NELL1: variants seen among roughly 807,000 people sequenced by gnomAD.
The protein encoded by NELL1 is neural EGFL like 1.
Under a neutral mutation model 107.4 loss-of-function variants are expected in NELL1, and 76 were observed. That is an observed-to-expected ratio of 0.71 (90% CI 0.59 to 0.86). The LOEUF is 0.86. Ranked by LOEUF, NELL1 falls within the 40% of genes least tolerant of loss-of-function variation. The pLI is 0.00. For missense variants in NELL1, 1,024 were observed against 1,005.5 expected (o/e 1.02, Z -0.25); for synonymous variants, 353 against 341.2 (o/e 1.03, Z -0.38).
At chr11:21,212,829 C>T (rs1263556086) in intron 13 of NELL1, among the ~76,000 whole-genome samples, 1 of 152,092 alleles carries the variant, frequency 6.6e-6, no homozygotes, top group Non-Finnish European at 1.5e-5. Flanking sequence ...ACTTACCACT[C>T]TTGGGCAACA....
intron 2 of NELL1, 97 bp from the exon 3 acceptor site, chr11:20,783,583 C>T: frequency 1.3e-6 from 1 of 788,584 alleles, no homozygotes; most frequent in South Asian, 2.4e-5. Flanking sequence ...TCTTCCTTCT[C>T]ATCTCCCCTC....
chr11:21,148,389 ATT>A, intron 13 of NELL1, among the ~76,000 whole-genome samples: 1 of 152,154 alleles, frequency 6.6e-6, no homozygotes, highest in Non-Finnish European at 1.5e-5. Context: ...AGAGACTGGT[ATT>A]TCAGTCAGAA....
chr11:21,175,879 G>A lies in NELL1; in HGVS notation c.1427-53453G>A, dbSNP rs570593821. Among the ~76,000 whole-genome samples, 37 of 151,968 alleles carry A rather than the reference G, an allele frequency of 2.4e-4. 1 individual carries two copies. Among genetic ancestry groups the A allele is most frequent in the African/African-American group, 9.0e-4 (37 of 41,262 alleles). On this transcript the variant is annotated intron_variant, in intron 13 of 19. Coordinates refer to ENST00000357134, the MANE Select transcript of NELL1 (RefSeq NM_006157.5). ...GTGCCGTCCAATTTTGCCTTACAAT[G>A]TGGGCATTTAGGATCTTTAGTTGAC...
At chr11:21,208,077 T>A (rs928129939) in intron 13 of NELL1, among the ~76,000 whole-genome samples, 8 of 152,140 alleles carry the variant, frequency 5.3e-5, no homozygotes, top group Non-Finnish European at 1.2e-4. Flanking sequence ...TTAGCAGGAA[T>A]CTCAAATACA....
chr11:20,913,201 A>G (rs1850170567), intron 5 of NELL1, among the ~76,000 whole-genome samples: 1 of 152,128 alleles, frequency 6.6e-6, no homozygotes, highest in Non-Finnish European at 1.5e-5. Flanking sequence ...ACACATCTTC[A>G]TCCATATATT....
At chr11:21,093,240 G>A (rs1854561792) in intron 12 of NELL1, among the ~76,000 whole-genome samples, 1 of 152,136 alleles carries the variant, frequency 6.6e-6, no homozygotes, top group Admixed American at 6.5e-5. Context: ...CTGAAGCCAG[G>A]GCCCCAGACT....
chr11:21,003,901 T>G (rs1412691835), intron 12 of NELL1, among the ~76,000 whole-genome samples: 1 of 152,172 alleles, frequency 6.6e-6, no homozygotes, highest in Non-Finnish European at 1.5e-5. Context: ...TGAGAAGTAC[T>G]AAATATAATA....
At position 21,190,849 on chromosome 11, in the gene NELL1, AT is replaced by A. The variant is rs1448512502; in HGVS notation, c.1427-38481del. ...ATAGCCCAATCATTAACTCTTATCT[AT>A]TATGTTGCCTCAGTTTATTCAGCCT... On this transcript the variant is annotated intron_variant, in intron 13 of 19. Coordinates refer to ENST00000357134, the MANE Select transcript of NELL1 (RefSeq NM_006157.5). 2.6e-5 allele frequency among the ~76,000 whole-genome samples: 4 copies of A among 151,850 alleles called. 1 individual carries two copies. The highest frequency in any genetic ancestry group is 9.7e-5 in the African/African-American group (4 of 41,146).
intron 5 of NELL1, among the ~76,000 whole-genome samples, chr11:20,898,534 A>G (rs963957477): frequency 6.6e-6 from 1 of 152,006 alleles, no homozygotes; most frequent in Non-Finnish European, 1.5e-5. Flanking sequence ...ACAAACCTGC[A>G]CATTGTGCAC....
intron 2 of NELL1, among the ~76,000 whole-genome samples, chr11:20,724,595 T>C (rs1030630826): frequency 1.3e-5 from 2 of 152,190 alleles, no homozygotes; most frequent in African/African-American, 4.8e-5. Context: ...TTCATCTCCA[T>C]CCGAGACCAC....
At chr11:21,474,206 C>G (rs1421879365) in intron 15 of NELL1, among the ~76,000 whole-genome samples, 1 of 151,992 alleles carries the variant, frequency 6.6e-6, no homozygotes, top group Non-Finnish European at 1.5e-5. Flanking sequence ...TAAAATAACA[C>G]CTTTATTCCT....
At chr11:21,390,826 T>C (rs1171164580) in intron 15 of NELL1, among the ~76,000 whole-genome samples, 1 of 151,900 alleles carries the variant, frequency 6.6e-6, no homozygotes. Flanking sequence ...TATTTTATAA[T>C]GTTAATTCCA....
At chr11:21,156,912 G>A (rs957416918) in intron 13 of NELL1, among the ~76,000 whole-genome samples, 26 of 147,928 alleles carry the variant, frequency 1.8e-4, no homozygotes, top group African/African-American at 5.2e-4. Context: ...GGACAACATG[G>A]TGGAACCCCG....
chr11:21,266,569 C>A (rs900786000), intron 14 of NELL1, among the ~76,000 whole-genome samples: 3 of 152,094 alleles, frequency 2.0e-5, no homozygotes, highest in African/African-American at 7.2e-5. Context: ...TGTTGCACTT[C>A]TCTTGGCTTC....
intron 14 of NELL1, among the ~76,000 whole-genome samples, chr11:21,229,690 A>G (rs1376435875): frequency 6.6e-6 from 1 of 152,228 alleles, no homozygotes; most frequent in African/African-American, 2.4e-5. Context: ...ACATAACTTG[A>G]TGGCTCTGTT....
At chr11:21,383,886 G>A (rs1324381456) in intron 15 of NELL1, 1 of 151,754 alleles carries the variant, frequency 6.6e-6, no homozygotes, top group African/African-American at 2.4e-5. Flanking sequence ...GATCGGGCAT[G>A]TTAAGGGTGG....
At chr11:21,008,353 A>G (rs1053180000) in intron 12 of NELL1, among the ~76,000 whole-genome samples, 10 of 152,174 alleles carry the variant, frequency 6.6e-5, no homozygotes, top group Admixed American at 1.3e-4. Context: ...GAAAGATTCA[A>G]TGAATATTTA....
chr11:21,313,012 A>G (rs75430390), intron 14 of NELL1, among the ~76,000 whole-genome samples: 3,612 of 151,958 alleles, frequency 0.024, 148 homozygotes, highest in African/African-American at 0.084. Context: ...AGAGGAAGAG[A>G]TTGCAATGAG....
chr11:21,354,431 G>C (rs1183520422), intron 14 of NELL1, among the ~76,000 whole-genome samples: 1 of 151,958 alleles, frequency 6.6e-6, no homozygotes, highest in Non-Finnish European at 1.5e-5. Flanking sequence ...GGTGAAACTG[G>C]CATTGCTTCT....
Sources: gnomAD v4.1 joint callset for allele counts (sites outside exome capture counted in the v4.1 genomes callset) on GRCh38, gnomAD v4.1.1 for gene constraint, MANE v1.5 for transcripts, NCBI Gene and HGNC (gene_info 2026-07-23, HGNC 2026-07-21) for gene names.